NEBL: variants seen among roughly 807,000 people sequenced by gnomAD.
NEBL encodes nebulette.
Under a neutral mutation model 140.2 loss-of-function variants are expected in NEBL, and 122 were observed. The observed-to-expected ratio is 0.87, with a 90% CI of 0.75 to 1.01. The LOEUF is 1.01. Ranked by LOEUF, NEBL falls within the 50% of genes least tolerant of loss-of-function variation. NEBL has a pLI of 0.00. For missense variants in NEBL, 1,365 were observed against 1,231.3 expected (o/e 1.11, Z -1.62); for synonymous variants, 436 against 398.9 (o/e 1.09, Z -1.11).
At chr10:20,999,781 T>C (rs1269229297) in intron 3 of NEBL, among the ~76,000 whole-genome samples, 2 of 152,186 alleles carry the variant, frequency 1.3e-5, no homozygotes, top group African/African-American at 2.4e-5. Flanking sequence ...GTGGAGGCTG[T>C]GAAGCCTGTC....
At chr10:21,181,223 A>T (rs1006101945) in intron 3 of NEBL, among the ~76,000 whole-genome samples, 2 of 151,714 alleles carry the variant, frequency 1.3e-5, no homozygotes, top group African/African-American at 4.8e-5. Context: ...AGATCGGGCC[A>T]TTGCATGTCA....
At chr10:21,148,258 T>G (rs1000930409) in intron 2 of NEBL, among the ~76,000 whole-genome samples, 1 of 152,336 alleles carries the variant, frequency 6.6e-6, no homozygotes, top group Non-Finnish European at 1.5e-5. Context: ...TTATGAAACA[T>G]GTACATTGGT....
At chr10:21,057,232 C>T (rs1012684779) in intron 2 of NEBL, among the ~76,000 whole-genome samples, 9 of 151,788 alleles carry the variant, frequency 5.9e-5, no homozygotes, top group Non-Finnish European at 1.2e-4. Flanking sequence ...GGAGATGACA[C>T]CTGGTTGGGA....
chr10:20,854,999 C>T lies in NEBL; in HGVS notation c.904-2350G>A, dbSNP rs181346635. On this transcript the variant is annotated intron_variant, in intron 9 of 27. Transcript: ENST00000377122. Reference sequence around the variant, plus strand: ...CAGCACTCTGGGAGGCAGAGACAGGCGGATCATGAGGTCAAGAGATCTAGA... The same window carrying T: ...CAGCACTCTGGGAGGCAGAGACAGGTGGATCATGAGGTCAAGAGATCTAGA... Among the ~76,000 whole-genome samples, 597 of 152,032 alleles carry T rather than the reference C, an allele frequency of 3.9e-3. 6 individuals are homozygous for T. Among genetic ancestry groups the T allele is most frequent in the African/African-American group, 0.014 (568 of 41,484 alleles).
intron 18 of NEBL, among the ~76,000 whole-genome samples, chr10:20,825,213 T>C (rs900820581): frequency 6.6e-6 from 1 of 152,170 alleles, no homozygotes; most frequent in Non-Finnish European, 1.5e-5. Context: ...CTCTGGATGC[T>C]GCATAATGAC....
chr10:20,982,010 A>G (rs11012452), intron 3 of NEBL, among the ~76,000 whole-genome samples: 5,202 of 152,272 alleles, frequency 0.034, 283 homozygotes, highest in African/African-American at 0.12. Flanking sequence ...GCATTAAAAC[A>G]TATCTCAATG....
At chr10:20,875,950 G>A (rs1845458286) in intron 5 of NEBL, among the ~76,000 whole-genome samples, 1 of 152,192 alleles carries the variant, frequency 6.6e-6, no homozygotes, top group Admixed American at 6.5e-5. Context: ...CCCATCTCAG[G>A]AAAACCTTTG....
intron 2 of NEBL, among the ~76,000 whole-genome samples, chr10:21,102,373 G>A (rs925454482): frequency 2.0e-5 from 3 of 152,128 alleles, no homozygotes; most frequent in African/African-American, 7.2e-5. Flanking sequence ...CAAGATAATG[G>A]ACGTTTTCAT....
chr10:21,078,554 CA>C (rs2131927596), intron 2 of NEBL, among the ~76,000 whole-genome samples: 1 of 152,314 alleles, frequency 6.6e-6, no homozygotes, highest in African/African-American at 2.4e-5. Flanking sequence ...TCCCAACACA[CA>C]CAGCCCCCAT....
At chr10:21,067,717 C>T (rs1835631029) in intron 2 of NEBL, among the ~76,000 whole-genome samples, 1 of 152,120 alleles carries the variant, frequency 6.6e-6, no homozygotes, top group African/African-American at 2.4e-5. Flanking sequence ...ACGGTGGCTC[C>T]TATAATCCCA....
intron 2 of NEBL, among the ~76,000 whole-genome samples, chr10:21,150,994 A>G (rs1202883848): frequency 6.6e-6 from 1 of 152,230 alleles, no homozygotes; most frequent in African/African-American, 2.4e-5. Flanking sequence ...ACCACCACTC[A>G]GAAATATACA....
At chr10:21,195,986 T>C (rs1251409174) in intron 3 of NEBL, among the ~76,000 whole-genome samples, 1 of 152,208 alleles carries the variant, frequency 6.6e-6, no homozygotes, top group African/African-American at 2.4e-5. Flanking sequence ...GCTTTTATTT[T>C]ATTTTACTTA....
chr10:21,245,856 TGG>T, intron 3 of NEBL, among the ~76,000 whole-genome samples: 1 of 152,208 alleles, frequency 6.6e-6, no homozygotes, highest in Non-Finnish European at 1.5e-5. Flanking sequence ...CCACTACGCC[TGG>T]CTAATTTTTT....
chr10:20,993,760 A>G (rs189863762), intron 3 of NEBL, among the ~76,000 whole-genome samples: 1 of 152,332 alleles, frequency 6.6e-6, no homozygotes, highest in Non-Finnish European at 1.5e-5. Flanking sequence ...CACATGGCAA[A>G]GATGTGGGCA....
Position 21,292,553 on chromosome 10 carries a change from T to C in NEBL, n.182+277A>G, listed in dbSNP as rs189644002. Among the ~76,000 whole-genome samples the C allele has an allele frequency of 1.9e-4, 29 of 152,338 alleles. No homozygotes were observed. In the East Asian group the frequency reaches 5.4e-3, roughly 28 times the overall value. ...TTTTTTCCTGAAAACTGTTCAAGCC[T>C]TAAGCAACTGCAATTATACTTTTAT... On this transcript the variant is annotated intron_variant and non_coding_transcript_variant, in intron 1 of 8. Coordinates refer to the NEBL transcript ENST00000675702.
chr10:21,086,794 T>A lies in NEBL; in HGVS notation c.165-66593A>T, dbSNP rs142826473. Among the ~76,000 whole-genome samples, 396 of 152,010 alleles carry A rather than the reference T, an allele frequency of 2.6e-3. 1 individual carries two copies. The highest frequency in any genetic ancestry group is 8.5e-3 in the African/African-American group (352 of 41,490). On this transcript the variant is annotated intron_variant, in intron 2 of 6. Coordinates refer to the NEBL transcript ENST00000417816. ...CCTGACTCAAAAATAAAAATAAAAATAAATTACTGGAAATCAGACTTCTAG... is the reference window on the plus strand; with the variant it reads ...CCTGACTCAAAAATAAAAATAAAAAAAAATTACTGGAAATCAGACTTCTAG...
At chr10:20,852,890 C>T (rs1842689835) in intron 9 of NEBL, among the ~76,000 whole-genome samples, 1 of 152,126 alleles carries the variant, frequency 6.6e-6, no homozygotes, top group Admixed American at 6.6e-5. Flanking sequence ...CAATTAACCG[C>T]AAACATAATG....
At chr10:21,235,628 A>G (rs1842338335) in intron 3 of NEBL, among the ~76,000 whole-genome samples, 2 of 152,228 alleles carry the variant, frequency 1.3e-5, no homozygotes, top group Admixed American at 6.5e-5. Flanking sequence ...AAGCATTTTT[A>G]GAATTCAACA....
At chr10:21,259,878 G>A (rs1025525019) in intron 1 of NEBL, among the ~76,000 whole-genome samples, 1 of 152,140 alleles carries the variant, frequency 6.6e-6, no homozygotes, top group Non-Finnish European at 1.5e-5. Context: ...GCAAGACTTC[G>A]GCTTCATGTT....
Sources: allele counts gnomAD v4.1 joint callset (sites outside exome capture counted in the v4.1 genomes callset), GRCh38; gene constraint gnomAD v4.1.1; transcripts MANE v1.5; gene names NCBI Gene and HGNC (gene_info 2026-07-23, HGNC 2026-07-21).